P2RX4: variants seen among roughly 807,000 people sequenced by gnomAD.
P2RX4 encodes P2X purinoceptor 4.
P2RX4 carries 37 observed loss-of-function variants against 48.0 expected under a neutral mutation model. That is an observed-to-expected ratio of 0.77 (90% CI 0.59 to 1.01). P2RX4 has a LOEUF of 1.01. Ranked by LOEUF, P2RX4 falls within the 50% of genes least tolerant of loss-of-function variation. The pLI, the probability that P2RX4 is intolerant of heterozygous loss-of-function variation, is 0.00. For missense variants in P2RX4, 501 were observed against 521.4 expected, an observed-to-expected ratio of 0.96 and a Z score of 0.38; for synonymous variants, 200 against 199.7, an observed-to-expected ratio of 1.00 and a Z score of -0.01.
At chr12:121,227,391 T>C (rs555245628) in intron 5 of P2RX4, among the ~76,000 whole-genome samples, 2 of 152,246 alleles carry the variant, frequency 1.3e-5, no homozygotes, top group Admixed American at 6.5e-5. Flanking sequence ...AGCCAGGAGC[T>C]GACGTGGCAC....
In P2RX4 at chr12:121,232,295, C is replaced by A; in HGVS notation, c.885-119C>A. ...CAGGAGAGGCCCCGAGCCGCTCCAG[C>A]GTCCATTCAGCCGGCAGAGTGGACC... On this transcript the variant is annotated intron_variant, in intron 8 of 11. Coordinates refer to ENST00000337233, the MANE Select transcript of P2RX4 (RefSeq NM_002560.3). This position sits in a 1 kb window ranked among gnomAD's most constrained non-coding sequence, Gnocchi z 4.3. 1 of 738,944 alleles carries A rather than the reference C, an allele frequency of 1.4e-6. No individual in the cohort carries two copies. Among genetic ancestry groups the A allele is most frequent in the Non-Finnish European group, 2.3e-6 (1 of 426,668 alleles). The allele number at this position is 738,944 out of a possible 1,614,324, so 45.8% of individuals were successfully genotyped here. A position where few individuals can be genotyped will look rare whatever the true frequency, so the allele number is the denominator to read the frequency against.
At chr12:121,211,139 T>C (rs1057397809) in intron 1 of P2RX4, among the ~76,000 whole-genome samples, 1 of 152,200 alleles carries the variant, frequency 6.6e-6, no homozygotes, top group Non-Finnish European at 1.5e-5. Flanking sequence ...AGGCTAGAGA[T>C]GCCCTACCGC....
At chr12:121,217,607 C>T (rs1165932238) in intron 2 of P2RX4, among the ~76,000 whole-genome samples, 1 of 151,880 alleles carries the variant, frequency 6.6e-6, no homozygotes, top group Non-Finnish European at 1.5e-5. Context: ...GTCCCAAATA[C>T]ACGAGGTAAA....
At chr12:121,221,031 C>T (rs1171000950) in intron 2 of P2RX4, among the ~76,000 whole-genome samples, 2 of 152,078 alleles carry the variant, frequency 1.3e-5, no homozygotes, top group African/African-American at 2.4e-5. Context: ...AGTGCACTGG[C>T]GTGATCTCGG....
intron 5 of P2RX4, among the ~76,000 whole-genome samples, chr12:121,224,280 G>A (rs551129153): frequency 5.9e-5 from 9 of 152,208 alleles, no homozygotes; most frequent in East Asian, 1.9e-4. Flanking sequence ...AGAAAACAAC[G>A]GATGTTTGCT....
intron 1 of P2RX4, among the ~76,000 whole-genome samples, chr12:121,210,714 G>A (rs1885777687): frequency 6.6e-6 from 1 of 152,238 alleles, no homozygotes; most frequent in Non-Finnish European, 1.5e-5. Flanking sequence ...AAGAGGCTGA[G>A]GCTGCAGTGA....
chr12:121,232,414 G>C lies in P2RX4; in HGVS notation c.885G>C (p.Arg295Ser). 6.2e-7 allele frequency: 1 copy of C among 1,612,136 alleles called. No individual in the cohort carries two copies. Among genetic ancestry groups the C allele is most frequent in the Non-Finnish European group, 8.5e-7 (1 of 1,178,322 alleles). ...CCTGATCCATCCTCCTTCCCCTCAGGTTTGCCAAGTACTACAGAGACCTGG... is the reference window on the plus strand; with the variant it reads ...CCTGATCCATCCTCCTTCCCCTCAGCTTTGCCAAGTACTACAGAGACCTGG... The part of the protein sequence containing the change: ...EHNVSPGYNF[R>S]FAKYYRDLAG... The change falls in exon 9 of 12, where the codon AGG becomes AGC. Residue 295 changes from arginine (R) to serine (S), a missense_variant and splice_region_variant. By Grantham distance (110) the Arg-to-Ser change is moderately radical. This residue lies in a region of P2RX4 where 197 missense variants were observed against 219.5 expected (regional missense o/e 0.90). Transcript: ENST00000337233. The surrounding 1 kb of genome is among the most constrained non-coding windows in gnomAD (Gnocchi z 4.3).
At position 121,233,030 on chromosome 12, in the gene P2RX4, T is replaced by C. The variant is rs1566013410; in HGVS notation, c.1078T>C (p.Cys360Arg). The C allele has an allele frequency of 6.2e-7, 1 of 1,613,992 alleles. No homozygotes were observed. Among genetic ancestry groups the C allele is most frequent in the Non-Finnish European group, 8.5e-7 (1 of 1,179,840 alleles). The change falls in exon 11 of 12, where the codon TGC (cysteine) becomes CGC (arginine). Residue 360 changes from cysteine (C) to arginine (R), a missense_variant. Physicochemically the swap from Cys to Arg is radical, Grantham distance 180. Around this residue, in one of 3 missense-constraint regions of P2RX4, gnomAD observed 197 missense variants for 219.5 expected, o/e 0.90. Coordinates refer to ENST00000337233, the MANE Select transcript of P2RX4 (RefSeq NM_002560.3). ...GCTGTGTGACATCATAGTCCTCTAC[T>C]GCATGAAGAAAAGACTCTACTATCG... ...TVLCDIIVLY[C>R]MKKRLYYREK...
chr12:121,212,392 C>A (rs927627151), intron 1 of P2RX4, among the ~76,000 whole-genome samples: 2 of 64,450 alleles, frequency 3.1e-5, no homozygotes, highest in African/African-American at 6.3e-5. Context: ...AGCCTGGACA[C>A]AAGACCAGCC....
Position 121,229,080 on chromosome 12 carries a change from TC to T in P2RX4, c.866del (p.Ser289PhefsTer48). On this transcript the variant is annotated frameshift_variant, in exon 8 of 12. Transcript: ENST00000337233. LOFTEE classifies it high-confidence loss of function. The surrounding 1 kb of genome is among the most constrained non-coding windows in gnomAD (Gnocchi z 4.6). ...LDTRDVEHNV[S>X]PGYNFRFAKY... ...TACACGGGACGTTGAGCACAACGTA[TC>T]TCCTGGCTACAATTTCAGGTGGGCG... 1 of 1,614,114 alleles carries T rather than the reference TC, an allele frequency of 6.2e-7. No homozygotes were observed. The highest frequency in any genetic ancestry group is 8.5e-7 in the Non-Finnish European group (1 of 1,180,012).
At chr12:121,225,381 G>A (rs1306339991) in intron 5 of P2RX4, among the ~76,000 whole-genome samples, 1 of 150,264 alleles carries the variant, frequency 6.7e-6, no homozygotes, top group Non-Finnish European at 1.5e-5. Context: ...GCCCGATTCT[G>A]TTTATTATTT....
chr12:121,222,726 T>A, intron 4 of P2RX4: 3 of 1,480,656 alleles, frequency 2.0e-6, no homozygotes, highest in Non-Finnish European at 2.7e-6. Context: ...GTCCCATTCT[T>A]TAGCTTGGCA....
chr12:121,212,782 T>TC (rs1464702278), intron 1 of P2RX4: 8 of 116,986 alleles, frequency 6.8e-5, no homozygotes, highest in African/African-American at 2.6e-4. Context: ...AGAGCAAAAC[T>TC]CCATCTCAAA....
rs1299046207 is a variant in P2RX4 at position 121,210,230 on chromosome 12, C to T, written c.66C>T (p.Leu22=). ...AGTACGACACGCCGCGCATCGTGCT[C>T]ATCCGCAGCCGCAAAGTGGGGCTCA... ...LFEYDTPRIV[L]IRSRKVGLMN... is the part of the protein sequence containing the mutation. Residue 22 remains leucine, a synonymous_variant, in exon 1 of 12, where the codon CTC becomes CTT. Transcript: ENST00000337233. 2.6e-6 allele frequency: 4 copies of T among 1,562,792 alleles called. No individual in the cohort carries two copies. Among genetic ancestry groups the T allele is most frequent in the Non-Finnish European group, 3.5e-6 (4 of 1,158,950 alleles).
rs1031038993 is a variant in P2RX4, at chr12:121,223,487, CTGTA to C, written c.524+447_524+450del. The C allele has an allele frequency of 1.6e-5, 3 of 192,554 alleles. No homozygotes were observed. The Admixed American group carries it at 1.6e-4, about 10-fold the overall frequency. 11.9% of individuals were successfully genotyped at this position (192,554 alleles called of 1,614,324 possible). Reference sequence around the variant, plus strand: ...GTGGCTTTTTGTGTGTTTCTGGTGTCTGTATGAAGTCAGGCTGCCCTAGGATGGC... The same window carrying C: ...GTGGCTTTTTGTGTGTTTCTGGTGTCTGAAGTCAGGCTGCCCTAGGATGGC... On this transcript the variant is annotated intron_variant, in intron 5 of 11. Coordinates refer to ENST00000337233, the MANE Select transcript of P2RX4 (RefSeq NM_002560.3).
intron 8 of P2RX4, among the ~76,000 whole-genome samples, chr12:121,231,714 G>A (rs1043736537): frequency 2.0e-5 from 3 of 152,044 alleles, no homozygotes; most frequent in African/African-American, 7.2e-5. Flanking sequence ...TCTTTTTGTT[G>A]TTGTTGTTGT....
intron 4 of P2RX4, 163 bp from the exon 5 acceptor site, chr12:121,222,784 G>C (rs991768013): frequency 9.1e-6 from 14 of 1,533,508 alleles, no homozygotes; most frequent in Non-Finnish European, 1.1e-5. Context: ...GTCTTCCTCC[G>C]ATTCTAACTC....
At chr12:121,230,383 A>G (rs547454815) in intron 8 of P2RX4, among the ~76,000 whole-genome samples, 3 of 152,262 alleles carry the variant, frequency 2.0e-5, no homozygotes, top group East Asian at 1.9e-4. Context: ...TCTCCGTCTC[A>G]GGGGGAAAAA....
rs1235329354 is a variant in P2RX4 at position 121,229,343 on chromosome 12, T to C, written c.884+244T>C. Among the ~76,000 whole-genome samples the C allele has an allele frequency of 6.6e-6, 1 of 152,022 alleles. No homozygotes were observed. The highest frequency in any genetic ancestry group is 1.9e-4 in the East Asian group (1 of 5,162). ...TCCTGCCGCAAGAAACATGTTGAGA[T>C]GGTTCTTAGAGCAGCCAGGAGAAGC... On this transcript the variant is annotated intron_variant, in intron 8 of 11. Transcript: ENST00000337233. The surrounding 1 kb of genome is among the most constrained non-coding windows in gnomAD (Gnocchi z 4.6).
Sources: allele counts gnomAD v4.1 joint callset (sites outside exome capture counted in the v4.1 genomes callset), GRCh38; gene constraint gnomAD v4.1.1; regional missense constraint gnomAD v4.1.1; non-coding constraint Gnocchi (gnomAD v3.1); transcripts MANE v1.5; gene names NCBI Gene and HGNC (gene_info 2026-07-23, HGNC 2026-07-21).